Variants in HS2ST1 observed in about 807,000 individuals in gnomAD.
HS2ST1 encodes the protein 2-O-sulfotransferase.
In HS2ST1, 18 loss-of-function variants were observed where a neutral mutation model predicts 42.9. The ratio of observed to expected loss-of-function variants is 0.42; its 90% CI spans 0.29 to 0.62. The LOEUF is 0.62. Ranked by LOEUF, HS2ST1 falls within the 20% of genes least tolerant of loss-of-function variation. The pLI, the probability that HS2ST1 is intolerant of heterozygous loss-of-function variation, is 0.21. For missense variants in HS2ST1, 334 were observed against 433.8 expected (o/e 0.77, Z 2.04); for synonymous variants, 146 against 152.9 (o/e 0.95, Z 0.33).
intron 1 of HS2ST1, among the ~76,000 whole-genome samples, chr1:86,945,319 T>G (rs1443588415): frequency 6.6e-6 from 1 of 152,184 alleles, no homozygotes; most frequent in Non-Finnish European, 1.5e-5. Flanking sequence ...GGAGAAAAGA[T>G]CATCGAAATG....
At chr1:87,012,432 A>G (rs926113711) in intron 1 of HS2ST1, among the ~76,000 whole-genome samples, 2 of 152,192 alleles carry the variant, frequency 1.3e-5, no homozygotes, top group Non-Finnish European at 2.9e-5. Flanking sequence ...GAATAAAACA[A>G]TCAGATCTCG....
Position 86,927,605 on chromosome 1 carries a change from A to G in HS2ST1, c.124+12445A>G, listed in dbSNP as rs575750898. ...ATAGCTAGAAATAAGTGATTTGTACAGGTAAGCACTCAGAAATGACTATAA... is the reference window on the plus strand; with the variant it reads ...ATAGCTAGAAATAAGTGATTTGTACGGGTAAGCACTCAGAAATGACTATAA... On this transcript the variant is annotated intron_variant, in intron 1 of 6. Transcript: ENST00000370550. Among the ~76,000 whole-genome samples, 4 of 152,272 alleles carry G rather than the reference A, an allele frequency of 2.6e-5. No homozygotes were observed. The South Asian group carries it at 6.2e-4, about 24-fold the overall frequency.
intron 4 of HS2ST1, among the ~76,000 whole-genome samples, chr1:87,094,933 GT>G (rs988760838): frequency 2.0e-5 from 3 of 152,092 alleles, no homozygotes; most frequent in Non-Finnish European, 4.4e-5. Context: ...AGGGCTGTCT[GT>G]AAATAATTGA....
At chr1:87,026,681 C>T (rs953516413) in intron 1 of HS2ST1, among the ~76,000 whole-genome samples, 8 of 152,034 alleles carry the variant, frequency 5.3e-5, no homozygotes, top group Non-Finnish European at 1.0e-4. Context: ...TGGCATTTCA[C>T]AGGTAGACTT....
intron 1 of HS2ST1, among the ~76,000 whole-genome samples, chr1:86,992,512 A>G (rs920738570): frequency 1.3e-5 from 2 of 152,040 alleles, no homozygotes; most frequent in Non-Finnish European, 2.9e-5. Context: ...GATTACAGGC[A>G]TGCGCCACCA....
intron 1 of HS2ST1, among the ~76,000 whole-genome samples, chr1:86,953,952 C>T (rs1048294331): frequency 2.1e-5 from 3 of 144,744 alleles, no homozygotes; most frequent in African/African-American, 5.2e-5. Flanking sequence ...AAACACACAA[C>T]TTGTATTAAG....
intron 2 of HS2ST1, among the ~76,000 whole-genome samples, chr1:87,079,627 T>C (rs898198609): frequency 6.6e-6 from 1 of 152,228 alleles, no homozygotes; most frequent in African/African-American, 2.4e-5. Context: ...CATATTGCCT[T>C]AGTTAAATGC....
chr1:86,993,426 T>G (rs1471071472), intron 1 of HS2ST1, among the ~76,000 whole-genome samples: 1 of 152,200 alleles, frequency 6.6e-6, no homozygotes, highest in African/African-American at 2.4e-5. Context: ...TTTAAGGTTT[T>G]GTTTTCTTTA....
At chr1:86,972,413 G>A (rs1407719081) in intron 1 of HS2ST1, among the ~76,000 whole-genome samples, 1 of 152,078 alleles carries the variant, frequency 6.6e-6, no homozygotes, top group African/African-American at 2.4e-5. Flanking sequence ...GTGCAGTGGT[G>A]TAATCATAGC....
At chr1:86,964,288 G>C (rs949144464) in intron 1 of HS2ST1, among the ~76,000 whole-genome samples, 1 of 152,216 alleles carries the variant, frequency 6.6e-6, no homozygotes, top group African/African-American at 2.4e-5. Flanking sequence ...AAGGCAGGCG[G>C]CTGGGAGGTG....
At chr1:87,070,069 T>C (rs1162287332) in intron 1 of HS2ST1, among the ~76,000 whole-genome samples, 1 of 152,194 alleles carries the variant, frequency 6.6e-6, no homozygotes, top group Non-Finnish European at 1.5e-5. Context: ...TGAATCTTTT[T>C]TTTTCTTTAG....
chr1:86,954,852 A>G (rs1166839326), intron 1 of HS2ST1, among the ~76,000 whole-genome samples: 1 of 152,172 alleles, frequency 6.6e-6, no homozygotes, highest in African/African-American at 2.4e-5. Context: ...TAGAGTACAT[A>G]TGCTATCTCA....
At chr1:86,944,159 G>GA (rs1273597209) in intron 1 of HS2ST1, among the ~76,000 whole-genome samples, 2 of 151,946 alleles carry the variant, frequency 1.3e-5, no homozygotes, top group African/African-American at 2.4e-5. Context: ...CTAAAATTAA[G>GA]AAAAAAATTA....
intron 1 of HS2ST1, among the ~76,000 whole-genome samples, chr1:86,963,914 C>T (rs1030826945): frequency 7.3e-5 from 11 of 150,252 alleles, no homozygotes; most frequent in African/African-American, 2.4e-4. Flanking sequence ...CCCCACCTCC[C>T]GGACGGGGCG....
chr1:86,917,320 A>T (rs1291724076), intron 1 of HS2ST1, among the ~76,000 whole-genome samples: 2 of 152,200 alleles, frequency 1.3e-5, no homozygotes, highest in African/African-American at 4.8e-5. Context: ...GGAGTTCGAG[A>T]CCAGCCTCGC....
At chr1:86,977,160 G>T (rs1248995683) in intron 1 of HS2ST1, among the ~76,000 whole-genome samples, 2 of 152,152 alleles carry the variant, frequency 1.3e-5, no homozygotes, top group Admixed American at 1.3e-4. Flanking sequence ...TTAAAAGGAA[G>T]AATATTAGTG....
chr1:86,981,572 G>T (rs1013087636), intron 1 of HS2ST1, among the ~76,000 whole-genome samples: 1 of 152,170 alleles, frequency 6.6e-6, no homozygotes, highest in Non-Finnish European at 1.5e-5. Context: ...GGGGCCATAG[G>T]CTCCATGCAA....
chr1:87,001,969 G>A, intron 1 of HS2ST1, among the ~76,000 whole-genome samples: 1 of 147,822 alleles, frequency 6.8e-6, no homozygotes, highest in African/African-American at 2.5e-5. Flanking sequence ...CTGTAGTGCA[G>A]TGGCGCGATC....
In HS2ST1 at chr1:87,043,802, T is replaced by C. The variant is rs141763338; in HGVS notation, c.125-29132T>C. Among the ~76,000 whole-genome samples the C allele has an allele frequency of 1.6e-3, 240 of 152,222 alleles. 2 individuals are homozygous for C. Among genetic ancestry groups the C allele is most frequent in the African/African-American group, 5.6e-3 (232 of 41,570 alleles). ...TTATCAATAAATATATACAGGAAGC[T>C]ATGAAATATATGTATAGAAATAAAT... On this transcript the variant is annotated intron_variant, in intron 1 of 6. Transcript: ENST00000370550.
Sources: gnomAD v4.1 joint callset for allele counts (sites outside exome capture counted in the v4.1 genomes callset) on GRCh38, gnomAD v4.1.1 for gene constraint, MANE v1.5 for transcripts, NCBI Gene and HGNC (gene_info 2026-07-23, HGNC 2026-07-21) for gene names.